Variants in PAX7 observed in about 807,000 individuals in gnomAD.
PAX7 encodes paired box protein Pax-7.
In PAX7, 18 loss-of-function variants were observed where a neutral mutation model predicts 50.7. The observed-to-expected ratio is 0.36, with a 90% CI of 0.25 to 0.53. The LOEUF is 0.53. Among genes scored for constraint, PAX7 ranks in the 20% least tolerant of loss-of-function variants. PAX7 has a pLI of 0.93. For synonymous variants in PAX7, 310 were observed against 290.4 expected (o/e 1.07, Z -0.69); for missense variants, 644 against 702.9 (o/e 0.92, Z 0.95).
intron 8 of PAX7, among the ~76,000 whole-genome samples, chr1:18,739,941 C>G (rs989081410): frequency 6.6e-6 from 1 of 152,302 alleles, no homozygotes; most frequent in Middle Eastern, 3.4e-3. Flanking sequence ...TTTAATAGAT[C>G]TGACAAGTCT....
intron 8 of PAX7, among the ~76,000 whole-genome samples, chr1:18,736,913 G>A (rs1000650633): frequency 6.6e-6 from 1 of 152,238 alleles, no homozygotes. Context: ...CCACTGTGCT[G>A]GACAGCTCAG....
chr1:18,716,519 C>A (rs1402096123), intron 7 of PAX7, among the ~76,000 whole-genome samples: 1 of 147,814 alleles, frequency 6.8e-6, no homozygotes, highest in African/African-American at 2.6e-5. Context: ...TTGTTTTTTT[C>A]ACACACTCTC....
intron 7 of PAX7, among the ~76,000 whole-genome samples, chr1:18,733,023 T>C (rs1027302866): frequency 2.0e-5 from 3 of 152,100 alleles, no homozygotes; most frequent in Non-Finnish European, 4.4e-5. Flanking sequence ...AGTCCAGGCC[T>C]CCTTTGAGCA....
Position 18,636,432 on chromosome 1 carries a change from G to C in PAX7, c.586+61G>C, listed in dbSNP as rs546385089. ...GGGTTTTCCCACGCTCCGGTGTGCG[G>C]GCCAGTGGTTCGCTCCCGCCGCCGG... On this transcript the variant is annotated intron_variant, in intron 4 of 8. Transcript: ENST00000420770. The surrounding 1 kb of genome is among the most constrained non-coding windows in gnomAD (Gnocchi z 5.1). 1 of 1,563,918 alleles carries C rather than the reference G, an allele frequency of 6.4e-7. No individual in the cohort carries two copies. Among genetic ancestry groups the C allele is most frequent in the South Asian group, 1.2e-5 (1 of 86,190 alleles).
intron 7 of PAX7, among the ~76,000 whole-genome samples, chr1:18,729,690 T>C (rs948651760): frequency 3.3e-5 from 5 of 152,154 alleles, no homozygotes. Flanking sequence ...TGGAGTTGTG[T>C]GGATTCCAGG....
At chr1:18,676,804 GC>G (rs370143801) in intron 4 of PAX7, among the ~76,000 whole-genome samples, 10 of 151,896 alleles carry the variant, frequency 6.6e-5, no homozygotes, top group South Asian at 2.1e-4. Context: ...AGCCAGCCCC[GC>G]TGTATGCCTG....
chr1:18,636,224 T>C lies in PAX7; in HGVS notation c.452-13T>C. The C allele has an allele frequency of 6.2e-7, 1 of 1,613,218 alleles. No homozygotes were observed. The highest frequency in any genetic ancestry group is 2.2e-5 in the East Asian group (1 of 44,848). ...ACAACTTATACTTGCTCTTTTGCCTTTGAATTTCTGAGGTTTAGTGAGTTC... is the reference window on the plus strand; with the variant it reads ...ACAACTTATACTTGCTCTTTTGCCTCTGAATTTCTGAGGTTTAGTGAGTTC... On this transcript the variant is annotated splice_polypyrimidine_tract_variant and intron_variant, in intron 3 of 8. Coordinates refer to ENST00000420770, the MANE Select transcript of PAX7 (RefSeq NM_001135254.2). The surrounding 1 kb of genome is among the most constrained non-coding windows in gnomAD (Gnocchi z 5.1).
intron 4 of PAX7, among the ~76,000 whole-genome samples, chr1:18,678,569 G>A (rs2088855973): frequency 6.6e-6 from 1 of 152,140 alleles, no homozygotes; most frequent in Admixed American, 6.5e-5. Context: ...TCAGTTTGAT[G>A]GGGAGATGGA....
intron 4 of PAX7, among the ~76,000 whole-genome samples, chr1:18,642,761 C>T (rs1371305582): frequency 6.6e-6 from 1 of 152,104 alleles, no homozygotes; most frequent in Non-Finnish European, 1.5e-5. Flanking sequence ...AGGGAACTCG[C>T]CTTCCCAAAT....
chr1:18,646,082 G>T (rs1186917804), intron 4 of PAX7, among the ~76,000 whole-genome samples: 1 of 152,122 alleles, frequency 6.6e-6, no homozygotes, highest in African/African-American at 2.4e-5. Flanking sequence ...CCTCCCTCCC[G>T]CTGCCTGCAA....
chr1:18,680,430 C>G (rs947531281), intron 4 of PAX7, among the ~76,000 whole-genome samples: 4 of 152,258 alleles, frequency 2.6e-5, no homozygotes, highest in African/African-American at 9.6e-5. Context: ...CCCAGGAGCG[C>G]CTGTCACACA....
chr1:18,683,288 G>T (rs1334785997), intron 4 of PAX7, among the ~76,000 whole-genome samples: 1 of 152,214 alleles, frequency 6.6e-6, no homozygotes, highest in Non-Finnish European at 1.5e-5. Context: ...GGATACCTTA[G>T]ACCCAGAGCA....
At chr1:18,717,582 C>T (rs1308007020) in intron 7 of PAX7, among the ~76,000 whole-genome samples, 2 of 152,186 alleles carry the variant, frequency 1.3e-5, no homozygotes, top group Non-Finnish European at 2.9e-5. Context: ...CTCCCATGCC[C>T]CTTGTATTCC....
At chr1:18,721,473 C>A (rs766313108) in intron 7 of PAX7, among the ~76,000 whole-genome samples, 3 of 152,222 alleles carry the variant, frequency 2.0e-5, no homozygotes, top group Non-Finnish European at 4.4e-5. Flanking sequence ...GAGAGCAGAC[C>A]CCTCCTCAAA....
intron 4 of PAX7, among the ~76,000 whole-genome samples, chr1:18,683,697 C>T (rs941982913): frequency 7.9e-5 from 12 of 152,078 alleles, no homozygotes; most frequent in Non-Finnish European, 8.8e-5. Context: ...AAAATTAGTC[C>T]GGCACGGTGG....
Position 18,662,695 on chromosome 1 carries a change from C to T in PAX7, c.586+26324C>T, listed in dbSNP as rs534738098. ...AACCAGTTCTCCTGCCTCAGCCTCC[C>T]GAGTAGCTGGGGTTACAGGGACACG... is the stretch of plus-strand genomic sequence containing the variant. On this transcript the variant is annotated intron_variant, in intron 4 of 8. Coordinates refer to ENST00000420770, the MANE Select transcript of PAX7 (RefSeq NM_001135254.2). Among the ~76,000 whole-genome samples the T allele has an allele frequency of 2.3e-4, 35 of 152,180 alleles. 1 individual carries two copies. In the South Asian group the frequency reaches 2.7e-3, roughly 12 times the overall value.
At chr1:18,740,322 CAA>C (rs2100415011) in intron 8 of PAX7, among the ~76,000 whole-genome samples, 1 of 152,280 alleles carries the variant, frequency 6.6e-6, no homozygotes, top group South Asian at 2.1e-4. Context: ...CAGGGCCTGG[CAA>C]GCTCCTACTG....
intron 7 of PAX7, among the ~76,000 whole-genome samples, chr1:18,708,189 C>A (rs570630515): frequency 1.4e-3 from 209 of 152,176 alleles, no homozygotes; most frequent in Non-Finnish European, 2.6e-3. Flanking sequence ...TCATAGACTA[C>A]CCGCAACCCC....
intron 4 of PAX7, among the ~76,000 whole-genome samples, chr1:18,685,537 G>T (rs1027678511): frequency 6.6e-6 from 1 of 152,216 alleles, no homozygotes; most frequent in South Asian, 2.1e-4. Context: ...GGCCCAGGAA[G>T]CCTTGCTGGG....
Sources: gnomAD v4.1 joint callset for allele counts (sites outside exome capture counted in the v4.1 genomes callset) on GRCh38, gnomAD v4.1.1 for gene constraint, Gnocchi (gnomAD v3.1) non-coding constraint, MANE v1.5 for transcripts, NCBI Gene and HGNC (gene_info 2026-07-23, HGNC 2026-07-21) for gene names.